DPYD: variants seen among roughly 807,000 people sequenced by gnomAD.
DPYD encodes dihydropyrimidine dehydrogenase [NADP(+)].
DPYD carries 109 observed loss-of-function variants against 116.2 expected under a neutral mutation model. The ratio of observed to expected loss-of-function variants is 0.94; its 90% CI spans 0.80 to 1.10. DPYD has a LOEUF of 1.10. Ranked by LOEUF, DPYD falls within the 50% of genes least tolerant of loss-of-function variation. The pLI is 0.00. For missense variants in DPYD, 1,302 were observed against 1,254.5 expected (o/e 1.04, Z -0.57); for synonymous variants, 440 against 432.0 (o/e 1.02, Z -0.23).
intron 3 of DPYD, among the ~76,000 whole-genome samples, chr1:97,778,217 A>AGG (rs1396795788): frequency 8.2e-5 from 9 of 109,886 alleles, no homozygotes; most frequent in Non-Finnish European, 9.4e-5. Context: ...AGAGAGAGAG[A>AGG]GAGGGAGGGA....
intron 20 of DPYD, among the ~76,000 whole-genome samples, chr1:97,139,320 C>A: frequency 6.6e-6 from 1 of 151,846 alleles, no homozygotes; most frequent in East Asian, 1.9e-4. Flanking sequence ...TAGAAAACTG[C>A]AAAGTGTTTT....
At chr1:97,174,250 A>T (rs979430895) in intron 20 of DPYD, among the ~76,000 whole-genome samples, 2 of 152,158 alleles carry the variant, frequency 1.3e-5, no homozygotes, top group African/African-American at 4.8e-5. Flanking sequence ...GCTTTTGTTA[A>T]CGGAGGCTGC....
In DPYD at chr1:97,728,740, T is replaced by C. The variant is rs1337399084; in HGVS notation, c.322-7069A>G. Among the ~76,000 whole-genome samples, 4 of 152,070 alleles carry C rather than the reference T, an allele frequency of 2.6e-5. No individual in the cohort carries two copies. The East Asian group carries it at 7.7e-4, about 29-fold the overall frequency. On this transcript the variant is annotated intron_variant, in intron 4 of 22. Coordinates refer to ENST00000370192, the MANE Select transcript of DPYD (RefSeq NM_000110.4). ...CTTTTATTTCTGGCTCAAGCTGTAA[T>C]GGTGAATGTACTGATGTACATTAAT...
chr1:97,715,531 T>C (rs774870793), intron 5 of DPYD, among the ~76,000 whole-genome samples: 3 of 152,114 alleles, frequency 2.0e-5, no homozygotes, highest in African/African-American at 7.2e-5. Flanking sequence ...ATTAACTGAA[T>C]CCTTACCTAG....
At position 97,778,147 on chromosome 1, in the gene DPYD, G is replaced by A. The variant is rs1460168177; in HGVS notation, c.234-37668C>T. On this transcript the variant is annotated intron_variant, in intron 3 of 22. Coordinates refer to ENST00000370192, the MANE Select transcript of DPYD (RefSeq NM_000110.4). ...AACTCCAATCTGGGCAACAGAGTAA[G>A]ACCCTGTCAAAAAAAAAAAAAAAAA... Among the ~76,000 whole-genome samples the A allele has an allele frequency of 6.0e-5, 4 of 66,194 alleles. No individual in the cohort carries two copies. The Admixed American group carries it at 1.1e-3, about 19-fold the overall frequency. 43.4% of individuals were successfully genotyped at this position (66,194 alleles called of 152,430 possible).
chr1:97,413,840 T>TC (rs1674145494), intron 14 of DPYD, among the ~76,000 whole-genome samples: 1 of 152,148 alleles, frequency 6.6e-6, no homozygotes, highest in Non-Finnish European at 1.5e-5. Flanking sequence ...TCTTTTTTTT[T>TC]CAACATATTT....
intron 8 of DPYD, among the ~76,000 whole-genome samples, chr1:97,650,123 C>T (rs911403959): frequency 6.6e-6 from 1 of 152,020 alleles, no homozygotes; most frequent in African/African-American, 2.4e-5. Flanking sequence ...GGGGATGTTC[C>T]CTTAGAATGC....
At chr1:97,867,331 A>C (rs1036774791) in intron 2 of DPYD, among the ~76,000 whole-genome samples, 1 of 151,872 alleles carries the variant, frequency 6.6e-6, no homozygotes, top group Non-Finnish European at 1.5e-5. Flanking sequence ...CTTCTGTCTT[A>C]TGTACTCAAA....
chr1:97,205,537 T>C (rs1390568367), intron 19 of DPYD, among the ~76,000 whole-genome samples: 5 of 152,148 alleles, frequency 3.3e-5, no homozygotes, highest in Non-Finnish European at 5.9e-5. Context: ...TTTTTCAACT[T>C]TAGTAAGAAC....
chr1:97,699,663 A>T (rs1661486896), intron 5 of DPYD, 116 bp from the exon 6 acceptor site: 11 of 1,006,810 alleles, frequency 1.1e-5, no homozygotes, highest in Non-Finnish European at 1.7e-5. Context: ...GTACATTTTC[A>T]GTATTAATAT....
intron 13 of DPYD, among the ~76,000 whole-genome samples, chr1:97,463,512 TG>T (rs1677136063): frequency 6.6e-6 from 1 of 151,970 alleles, no homozygotes; most frequent in African/African-American, 2.4e-5. Context: ...ACCAGTAGAG[TG>T]GGGTGCTGCT....
intron 21 of DPYD, among the ~76,000 whole-genome samples, chr1:97,086,721 C>T (rs1191366766): frequency 6.7e-6 from 1 of 148,880 alleles, no homozygotes; most frequent in Non-Finnish European, 1.5e-5. Context: ...TAAGATGAAC[C>T]ATTGTTAAGT....
intron 2 of DPYD, among the ~76,000 whole-genome samples, chr1:97,834,762 T>TA (rs199765558): frequency 0.011 from 1,501 of 142,948 alleles, 31 homozygotes; most frequent in Admixed American, 0.055. Context: ...TAGGTTCCTC[T>TA]AAAAAAAAAA....
intron 19 of DPYD, among the ~76,000 whole-genome samples, chr1:97,203,285 A>G (rs1659337383): frequency 6.6e-6 from 1 of 152,138 alleles, no homozygotes; most frequent in African/African-American, 2.4e-5. Context: ...ACATCCAAAC[A>G]ATAGCTGTCA....
At chr1:97,091,181 G>A (rs898181995) in intron 21 of DPYD, among the ~76,000 whole-genome samples, 3 of 152,108 alleles carry the variant, frequency 2.0e-5, no homozygotes, top group African/African-American at 7.2e-5. Context: ...CAGCAGATGG[G>A]GAATAATGTG....
chr1:97,511,685 A>C (rs1570870915), intron 13 of DPYD, among the ~76,000 whole-genome samples: 1 of 151,976 alleles, frequency 6.6e-6, no homozygotes, highest in African/African-American at 2.4e-5. Context: ...ACAGTCATAC[A>C]GGTTATATTG....
At chr1:97,323,858 A>T (rs1017272914) in intron 16 of DPYD, among the ~76,000 whole-genome samples, 1 of 151,708 alleles carries the variant, frequency 6.6e-6, no homozygotes, top group Non-Finnish European at 1.5e-5. Flanking sequence ...AAATCATATG[A>T]AGCATTGGTA....
chr1:97,801,845 C>A (rs1667862539), intron 3 of DPYD, among the ~76,000 whole-genome samples: 1 of 151,612 alleles, frequency 6.6e-6, no homozygotes, highest in African/African-American at 2.4e-5. Context: ...TGTTTTTTTC[C>A]AATTTCTGTA....
At chr1:97,728,823 T>C (rs1052848574) in intron 4 of DPYD, among the ~76,000 whole-genome samples, 3 of 152,116 alleles carry the variant, frequency 2.0e-5, no homozygotes, top group African/African-American at 7.2e-5. Flanking sequence ...AGAACACTCT[T>C]TTTGTCAAGC....
Sources: gnomAD v4.1 joint callset for allele counts (sites outside exome capture counted in the v4.1 genomes callset) on GRCh38, gnomAD v4.1.1 for gene constraint, MANE v1.5 for transcripts, NCBI Gene and HGNC (gene_info 2026-07-23, HGNC 2026-07-21) for gene names.